The following ADAMTS17 variants were observed in gnomAD, a reference collection of about 807,000 sequenced individuals.
The protein encoded by ADAMTS17 is A disintegrin and metalloproteinase with thrombospondin motifs 17.
ADAMTS17 carries 113 observed loss-of-function variants against 141.5 expected under a neutral mutation model. The ratio of observed to expected loss-of-function variants is 0.80; its 90% CI spans 0.69 to 0.93. The LOEUF (loss-of-function observed/expected upper bound fraction) is 0.93. Ranked by LOEUF, ADAMTS17 falls within the 40% of genes least tolerant of loss-of-function variation. The pLI, the probability that ADAMTS17 is intolerant of heterozygous loss-of-function variation, is 0.00. For synonymous variants in ADAMTS17, 768 were observed against 630.6 expected (o/e 1.22, Z -3.27); for missense variants, 1,659 against 1,517.9 (o/e 1.09, Z -1.54).
At chr15:100,107,172 G>T (rs1300067784) in intron 14 of ADAMTS17, among the ~76,000 whole-genome samples, 10 of 152,220 alleles carry the variant, frequency 6.6e-5, no homozygotes, top group Admixed American at 4.6e-4. Context: ...AGCTGTCTTT[G>T]TGTCTGTCTT....
chr15:100,051,575 C>T lies in ADAMTS17; in HGVS notation c.2452G>A (p.Gly818Arg), dbSNP rs368919558. 40 of 1,613,418 alleles carry T rather than the reference C, an allele frequency of 2.5e-5. No individual in the cohort carries two copies. Among genetic ancestry groups the T allele is most frequent in the Middle Eastern group, 1.8e-4 (1 of 5,580 alleles). Residue 818 changes from glycine to arginine, a missense_variant, in exon 17 of 22, where the codon GGA (glycine) becomes AGA (arginine). By Grantham distance (125) the Gly-to-Arg change is moderately radical. Transcript: ENST00000268070. ...GWEGCSVQCG[G>R]GERRTIVSCT... ...GTCATGGACCACGGCCACTCACCTC[C>T]GCCGCACTGCACACTGCACCCTTCC...
At chr15:99,975,975 C>A (rs529082267) in intron 21 of ADAMTS17, 70 bp downstream of exon 21, 10 of 1,475,202 alleles carry the variant, frequency 6.8e-6, no homozygotes, top group South Asian at 6.7e-5. Flanking sequence ...AGAACCTCAC[C>A]GTCAGGGAGG....
chr15:100,047,714 G>C (rs1346781334), intron 18 of ADAMTS17, among the ~76,000 whole-genome samples: 1 of 152,070 alleles, frequency 6.6e-6, no homozygotes, highest in Non-Finnish European at 1.5e-5. Context: ...ACCAGGGCCA[G>C]GCCATCTTTA....
Position 100,341,811 on chromosome 15 carries a change from G to C in ADAMTS17, c.79+10C>G, listed in dbSNP as rs2046376097. ...CGCGGGGTGAAGAGGGCTGTGGGAG[G>C]GGGCGCTACCTGTGCCCGGGTCCAG... On this transcript the variant is annotated intron_variant, in intron 1 of 21. Coordinates refer to ENST00000268070, the MANE Select transcript of ADAMTS17 (RefSeq NM_139057.4). 1 of 1,550,226 alleles carries C rather than the reference G, an allele frequency of 6.5e-7. No homozygotes were observed. The highest frequency in any genetic ancestry group is 1.2e-5 in the South Asian group (1 of 84,062).
intron 3 of ADAMTS17, among the ~76,000 whole-genome samples, chr15:100,320,342 T>C (rs6598327): frequency 0.17 from 26,413 of 151,988 alleles, 3,440 homozygotes; most frequent in African/African-American, 0.32. Context: ...AGAATAAACA[T>C]GGGAAGTCCA....
intron 7 of ADAMTS17, among the ~76,000 whole-genome samples, chr15:100,203,246 T>A (rs1382418895): frequency 1.3e-5 from 2 of 152,032 alleles, no homozygotes; most frequent in Non-Finnish European, 2.9e-5. Flanking sequence ...ACAAACACAC[T>A]CTTGAAAAAA....
At chr15:100,180,616 A>G (rs1275325821) in intron 8 of ADAMTS17, among the ~76,000 whole-genome samples, 2 of 152,120 alleles carry the variant, frequency 1.3e-5, no homozygotes, top group African/African-American at 4.8e-5. Context: ...GGTAGTATGG[A>G]TGTTTTAACA....
intron 15 of ADAMTS17, among the ~76,000 whole-genome samples, chr15:100,087,607 G>A (rs1294837378): frequency 5.3e-5 from 8 of 152,126 alleles, no homozygotes; most frequent in Non-Finnish European, 8.8e-5. Flanking sequence ...CTGGCAAACC[G>A]AATCCAGCAG....
intron 18 of ADAMTS17, 34 bp downstream of exon 18, chr15:100,048,823 T>C (rs779036650): frequency 1.2e-6 from 2 of 1,614,054 alleles, no homozygotes; most frequent in Non-Finnish European, 1.7e-6. Flanking sequence ...CCCCAGACTC[T>C]GGTGGGTCCA....
At chr15:100,328,816 C>T (rs1013748918) in intron 3 of ADAMTS17, among the ~76,000 whole-genome samples, 5 of 152,260 alleles carry the variant, frequency 3.3e-5, no homozygotes, top group East Asian at 1.9e-4. Flanking sequence ...TCTACAAGCA[C>T]GCTGAGTTCT....
At chr15:100,220,179 A>G (rs549904096) in intron 7 of ADAMTS17, among the ~76,000 whole-genome samples, 17 of 152,130 alleles carry the variant, frequency 1.1e-4, no homozygotes, top group Non-Finnish European at 2.4e-4. Context: ...GACAGCAGAC[A>G]TGTCGATGTC....
chr15:100,161,820 A>G (rs1312010668), intron 8 of ADAMTS17, among the ~76,000 whole-genome samples: 1 of 152,204 alleles, frequency 6.6e-6, no homozygotes, highest in African/African-American at 2.4e-5. Flanking sequence ...ATGATCATCA[A>G]TAACCCCCTT....
intron 6 of ADAMTS17, among the ~76,000 whole-genome samples, chr15:100,257,275 T>A (rs529438311): frequency 1.3e-5 from 2 of 152,150 alleles, no homozygotes; most frequent in Non-Finnish European, 1.5e-5. Context: ...CCCATTATTA[T>A]CCCAACCTAG....
chr15:100,282,746 CA>C (rs79020325), intron 3 of ADAMTS17, among the ~76,000 whole-genome samples: 51,802 of 151,660 alleles, frequency 0.34, 9,322 homozygotes, highest in South Asian at 0.46. Context: ...ATTACAATCA[CA>C]AAAAAGTGGC....
At chr15:100,005,155 A>G (rs994871565) in intron 18 of ADAMTS17, among the ~76,000 whole-genome samples, 1 of 152,180 alleles carries the variant, frequency 6.6e-6, no homozygotes, top group African/African-American at 2.4e-5. Context: ...CCTGCCTAGC[A>G]CTGACTCAGT....
chr15:100,075,204 A>G (rs1040501195), intron 15 of ADAMTS17, among the ~76,000 whole-genome samples: 3 of 152,160 alleles, frequency 2.0e-5, no homozygotes, highest in South Asian at 2.1e-4. Flanking sequence ...TCATTTTGAC[A>G]TTGTATTAGT....
At chr15:100,301,040 T>C (rs2045014048) in intron 3 of ADAMTS17, among the ~76,000 whole-genome samples, 1 of 152,206 alleles carries the variant, frequency 6.6e-6, no homozygotes, top group African/African-American at 2.4e-5. Context: ...TAGCATGCAG[T>C]GGATATTCAA....
intron 15 of ADAMTS17, among the ~76,000 whole-genome samples, chr15:100,070,333 C>T (rs1422353748): frequency 3.4e-5 from 5 of 149,034 alleles, no homozygotes; most frequent in Non-Finnish European, 4.4e-5. Flanking sequence ...GACAGATCAA[C>T]GAGTCAGAAA....
At chr15:100,281,167 C>G (rs913087138) in intron 4 of ADAMTS17, 62 bp downstream of exon 4, 14 of 1,594,542 alleles carry the variant, frequency 8.8e-6, no homozygotes, top group Non-Finnish European at 1.1e-5. Context: ...GCACCTGCTT[C>G]CAGATCTCTC....
Sources: gnomAD v4.1 joint callset for allele counts (sites outside exome capture counted in the v4.1 genomes callset) on GRCh38, gnomAD v4.1.1 for gene constraint, MANE v1.5 for transcripts, NCBI Gene and HGNC (gene_info 2026-07-23, HGNC 2026-07-21) for gene names.